DLGAP1: variants seen among roughly 807,000 people sequenced by gnomAD.
The protein encoded by DLGAP1 is DLG associated protein 1, also known as disks large-associated protein 1.
DLGAP1 carries 11 observed loss-of-function variants against 90.8 expected under a neutral mutation model. The ratio of observed to expected loss-of-function variants is 0.12; its 90% confidence interval spans 0.08 to 0.20. DLGAP1 has a LOEUF of 0.20. Ranked by LOEUF, DLGAP1 falls within the 10% of genes least tolerant of loss-of-function variation. The pLI is 1.00. For synonymous variants in DLGAP1, 558 were observed against 540.7 expected (o/e 1.03, Z -0.44); for missense variants, 1,050 against 1,333.8 (o/e 0.79, Z 3.31).
At position 3,511,139 on chromosome 18, in the gene DLGAP1, C is replaced by T. The variant is rs571765145; in HGVS notation, c.2480-2478G>A. Among the ~76,000 whole-genome samples, 9 of 152,276 alleles carry T rather than the reference C, an allele frequency of 5.9e-5. No homozygotes were observed. In the South Asian group the frequency reaches 1.9e-3, roughly 32 times the overall value. On this transcript the variant is annotated intron_variant, in intron 10 of 12. Transcript: ENST00000315677. ...TCCTAGGCCCAGGGTGGGGAGATGA[C>T]TGCTTGGGCCTAGAATGAGATCATG... is the stretch of plus-strand genomic sequence containing the variant.
At chr18:3,566,321 A>G (rs1248183717) in intron 9 of DLGAP1, among the ~76,000 whole-genome samples, 1 of 152,060 alleles carries the variant, frequency 6.6e-6, no homozygotes, top group Non-Finnish European at 1.5e-5. Context: ...GGCTTCCAGC[A>G]TTGCATAATT....
At chr18:3,937,935 C>T (rs2072678984) in intron 3 of DLGAP1, among the ~76,000 whole-genome samples, 1 of 152,126 alleles carries the variant, frequency 6.6e-6, no homozygotes, top group Non-Finnish European at 1.5e-5. Context: ...CTCAGCTGTA[C>T]AGTGGAAACA....
At chr18:4,359,670 C>T (rs1019358728) in intron 1 of DLGAP1, among the ~76,000 whole-genome samples, 2 of 152,124 alleles carry the variant, frequency 1.3e-5, no homozygotes, top group African/African-American at 4.8e-5. Context: ...AGGAGAATCC[C>T]TCTGCACGAG....
intron 2 of DLGAP1, among the ~76,000 whole-genome samples, chr18:4,045,028 G>A (rs189318372): frequency 6.6e-6 from 1 of 152,116 alleles, no homozygotes; most frequent in Admixed American, 6.5e-5. Context: ...AATCAGAGAT[G>A]AGTAACTAAA....
chr18:3,656,940 G>A (rs902005160), intron 7 of DLGAP1, among the ~76,000 whole-genome samples: 1 of 151,612 alleles, frequency 6.6e-6, no homozygotes, highest in African/African-American at 2.4e-5. Flanking sequence ...TAGAAACATG[G>A]TTTCACTGTA....
intron 6 of DLGAP1, among the ~76,000 whole-genome samples, chr18:3,741,287 C>T (rs1346059699): frequency 7.8e-5 from 10 of 127,458 alleles, no homozygotes; most frequent in Non-Finnish European, 1.2e-4. Context: ...ACCATCACCA[C>T]CACCACCACC....
chr18:3,936,138 G>A (rs1485195372), intron 3 of DLGAP1, among the ~76,000 whole-genome samples: 7 of 152,138 alleles, frequency 4.6e-5, no homozygotes, highest in Admixed American at 3.9e-4. Context: ...TGCCACATCA[G>A]CCTCCTACTA....
intron 4 of DLGAP1, chr18:3,845,331 TTCTC>T (rs1230720809): frequency 6.3e-7 from 1 of 1,587,262 alleles, no homozygotes; most frequent in Non-Finnish European, 8.6e-7. Context: ...AGCATTTAGC[TTCTC>T]TCTATGATTT....
At chr18:3,534,096 T>A (rs890380076) in intron 10 of DLGAP1, 98 bp downstream of exon 10, 1 of 1,370,730 alleles carries the variant, frequency 7.3e-7, no homozygotes, top group African/African-American at 1.4e-5. Context: ...GTCAAGGTTA[T>A]ACAAGTGAAG....
At chr18:3,612,372 G>T (rs1055336369) in intron 7 of DLGAP1, among the ~76,000 whole-genome samples, 3 of 152,214 alleles carry the variant, frequency 2.0e-5, no homozygotes, top group Non-Finnish European at 2.9e-5. Context: ...GAAATGCTCA[G>T]TGTATTAACT....
intron 1 of DLGAP1, among the ~76,000 whole-genome samples, chr18:4,231,429 G>A (rs1366564206): frequency 6.6e-6 from 1 of 152,142 alleles, no homozygotes; most frequent in African/African-American, 2.4e-5. Context: ...GGAAGTAATG[G>A]CAGTAAAGCA....
At chr18:3,611,306 T>G (rs968024715) in intron 7 of DLGAP1, among the ~76,000 whole-genome samples, 3 of 152,004 alleles carry the variant, frequency 2.0e-5, no homozygotes, top group Admixed American at 6.6e-5. Context: ...CCCTAACTGA[T>G]TTGAGATGCC....
chr18:3,557,915 G>A (rs2053851418), intron 9 of DLGAP1, among the ~76,000 whole-genome samples: 1 of 151,068 alleles, frequency 6.6e-6, no homozygotes, highest in Admixed American at 6.6e-5. Flanking sequence ...GGACAAGAGT[G>A]AGACTTCGTC....
intron 4 of DLGAP1, among the ~76,000 whole-genome samples, chr18:3,818,759 C>T (rs1299525690): frequency 6.6e-6 from 1 of 151,600 alleles, no homozygotes; most frequent in East Asian, 2.0e-4. Flanking sequence ...CCATGCCTGG[C>T]TAATTTTTGT....
chr18:3,708,200 T>A (rs2061496529), intron 7 of DLGAP1: 1 of 348,090 alleles, frequency 2.9e-6, no homozygotes, highest in African/African-American at 2.1e-5. Flanking sequence ...AGAGACGGGA[T>A]TTCACCATGT....
intron 4 of DLGAP1, among the ~76,000 whole-genome samples, chr18:3,858,011 A>C (rs1038285748): frequency 2.6e-5 from 4 of 152,304 alleles, no homozygotes; most frequent in Admixed American, 2.0e-4. Flanking sequence ...GGTTTACTAT[A>C]ATAACTTCCC....
chr18:3,735,107 A>G (rs2062585389), intron 6 of DLGAP1, among the ~76,000 whole-genome samples: 1 of 152,236 alleles, frequency 6.6e-6, no homozygotes, highest in Non-Finnish European at 1.5e-5. Context: ...CTTCAATTAT[A>G]TAGTGGACAA....
At chr18:4,058,867 T>C (rs1447856014) in intron 2 of DLGAP1, among the ~76,000 whole-genome samples, 1 of 152,126 alleles carries the variant, frequency 6.6e-6, no homozygotes, top group Non-Finnish European at 1.5e-5. Flanking sequence ...ACATGGGAAA[T>C]TGGGAATCTG....
At chr18:4,211,666 A>G (rs1164455439) in intron 1 of DLGAP1, among the ~76,000 whole-genome samples, 1 of 152,206 alleles carries the variant, frequency 6.6e-6, no homozygotes, top group Non-Finnish European at 1.5e-5. Context: ...CATTTCACCC[A>G]GAAAGATCAG....
Sources: gnomAD v4.1 joint callset for allele counts (sites outside exome capture counted in the v4.1 genomes callset) on GRCh38, gnomAD v4.1.1 for gene constraint, MANE v1.5 for transcripts, NCBI Gene and HGNC (gene_info 2026-07-23, HGNC 2026-07-21) for gene names.